The following SMARCC1 variants were observed in gnomAD, a reference collection of about 807,000 sequenced individuals.
SMARCC1 encodes SWI/SNF related BAF chromatin remodeling complex subunit C1.
In SMARCC1, 43 loss-of-function variants were observed where a neutral mutation model predicts 147.4. The observed-to-expected ratio is 0.29, with a 90% CI of 0.23 to 0.38. The LOEUF (loss-of-function observed/expected upper bound fraction) is 0.38. Ranked by LOEUF, SMARCC1 falls within the 10% of genes least tolerant of loss-of-function variation. The pLI is 1.00. For missense variants in SMARCC1, 1,119 were observed against 1,381.1 expected (o/e 0.81, Z 3.01); for synonymous variants, 495 against 484.4 (o/e 1.02, Z -0.29).
intron 26 of SMARCC1, among the ~76,000 whole-genome samples, chr3:47,597,789 G>A (rs952935898): frequency 2.6e-5 from 4 of 152,164 alleles, no homozygotes; most frequent in Admixed American, 2.6e-4. Context: ...AGGCATCCTC[G>A]GGATTGGAGA....
intron 25 of SMARCC1, among the ~76,000 whole-genome samples, chr3:47,612,777 C>T (rs986038194): frequency 6.6e-6 from 1 of 152,060 alleles, no homozygotes. Flanking sequence ...AGTGATTAAA[C>T]ACATACATAA....
intron 2 of SMARCC1, among the ~76,000 whole-genome samples, chr3:47,753,324 C>CT (rs1491273594): frequency 8.9e-6 from 1 of 112,648 alleles, no homozygotes; most frequent in Non-Finnish European, 2.0e-5. Flanking sequence ...GACTCCATCT[C>CT]CAAAAAAAAA....
chr3:47,765,165 C>T (rs911001241), intron 2 of SMARCC1, among the ~76,000 whole-genome samples: 2 of 152,114 alleles, frequency 1.3e-5, no homozygotes, highest in South Asian at 2.1e-4. Context: ...GCAAGAGAAC[C>T]GCTTGAACTC....
chr3:47,659,541 A>C (rs2033312560), intron 21 of SMARCC1, among the ~76,000 whole-genome samples: 1 of 152,264 alleles, frequency 6.6e-6, no homozygotes, highest in East Asian at 1.9e-4. Context: ...ACATGTGAGA[A>C]TCAATTACAG....
chr3:47,649,963 C>T (rs1349854535), intron 21 of SMARCC1, among the ~76,000 whole-genome samples: 1 of 152,152 alleles, frequency 6.6e-6, no homozygotes, highest in African/African-American at 2.4e-5. Context: ...AAAGAATCAT[C>T]GAATGTCTTC....
At chr3:47,772,991 G>A in intron 1 of SMARCC1, 55 bp from the exon 2 acceptor site, 2 of 1,578,570 alleles carry the variant, frequency 1.3e-6, no homozygotes, top group Non-Finnish European at 1.7e-6. Context: ...AGGAGAAAAT[G>A]TTGGCTTACT....
intron 7 of SMARCC1, among the ~76,000 whole-genome samples, chr3:47,717,405 G>A (rs896138763): frequency 6.6e-6 from 1 of 152,096 alleles, no homozygotes; most frequent in African/African-American, 2.4e-5. Context: ...TTTTAAGAAA[G>A]GGGAGGTCAT....
At chr3:47,701,081 G>T (rs916738046) in intron 11 of SMARCC1, among the ~76,000 whole-genome samples, 197 bp downstream of exon 11, 1 of 152,068 alleles carries the variant, frequency 6.6e-6, no homozygotes, top group African/African-American at 2.4e-5. Context: ...TTTGGTCGCT[G>T]TAAGTTTTCT....
chr3:47,683,110 T>C (rs1028707344), intron 14 of SMARCC1, among the ~76,000 whole-genome samples: 2 of 152,226 alleles, frequency 1.3e-5, no homozygotes, highest in African/African-American at 2.4e-5. Flanking sequence ...TGGCGCGATC[T>C]CAGCTTACTG....
At chr3:47,651,501 C>T (rs1307100456) in intron 21 of SMARCC1, among the ~76,000 whole-genome samples, 1 of 152,178 alleles carries the variant, frequency 6.6e-6, no homozygotes, top group Non-Finnish European at 1.5e-5. Context: ...TGCCAGGTAG[C>T]TCCTGCCCAG....
intron 21 of SMARCC1, among the ~76,000 whole-genome samples, chr3:47,639,911 G>A (rs149898431): frequency 3.5e-4 from 54 of 152,206 alleles, no homozygotes; most frequent in Non-Finnish European, 5.4e-4. Flanking sequence ...CCATCAATTA[G>A]GTGATAATAC....
At chr3:47,608,548 C>T (rs2032513760) in intron 26 of SMARCC1, among the ~76,000 whole-genome samples, 1 of 152,074 alleles carries the variant, frequency 6.6e-6, no homozygotes, top group Non-Finnish European at 1.5e-5. Flanking sequence ...TGCCTGACCT[C>T]ATAAGTGAAT....
At chr3:47,636,335 T>C (rs930067089) in intron 22 of SMARCC1, among the ~76,000 whole-genome samples, 199 bp from the exon 23 acceptor site, 3 of 152,212 alleles carry the variant, frequency 2.0e-5, no homozygotes, top group Non-Finnish European at 4.4e-5. Context: ...AACACTTGAG[T>C]GCTCACAAGA....
intron 6 of SMARCC1, among the ~76,000 whole-genome samples, chr3:47,726,399 A>T (rs1559655500): frequency 6.6e-6 from 1 of 151,816 alleles, no homozygotes; most frequent in Non-Finnish European, 1.5e-5. Context: ...AAAGAGTTTA[A>T]CTCTATTTGG....
At chr3:47,626,656 T>C (rs560702863) in intron 24 of SMARCC1, among the ~76,000 whole-genome samples, 6 of 152,274 alleles carry the variant, frequency 3.9e-5, no homozygotes, top group Non-Finnish European at 8.8e-5. Context: ...TGTGGTAGAT[T>C]AAAGATAGCC....
intron 1 of SMARCC1, among the ~76,000 whole-genome samples, chr3:47,775,935 G>A (rs1240982248): frequency 1.3e-5 from 2 of 152,066 alleles, no homozygotes; most frequent in African/African-American, 2.4e-5. Flanking sequence ...ATCACTTGAG[G>A]TCAGGAGTTC....
intron 9 of SMARCC1, among the ~76,000 whole-genome samples, chr3:47,708,052 G>C (rs1339018532): frequency 7.4e-6 from 1 of 134,528 alleles, no homozygotes. Flanking sequence ...ACCTTTGAAT[G>C]ATACAGTAAA....
intron 23 of SMARCC1, 139 bp from the exon 24 acceptor site, chr3:47,635,483 G>T: frequency 1.3e-6 from 1 of 760,946 alleles, no homozygotes; most frequent in Non-Finnish European, 2.2e-6. Context: ...TAAGAGTTCT[G>T]TTGAGCCATT....
At chr3:47,693,910 G>A (rs1289493112) in intron 11 of SMARCC1, among the ~76,000 whole-genome samples, 1 of 152,120 alleles carries the variant, frequency 6.6e-6, no homozygotes, top group Admixed American at 6.5e-5. Context: ...CAATCCATTC[G>A]CATCAGCCTC....
Sources: gnomAD v4.1 joint callset for allele counts (sites outside exome capture counted in the v4.1 genomes callset) on GRCh38, gnomAD v4.1.1 for gene constraint, MANE v1.5 for transcripts, NCBI Gene and HGNC (gene_info 2026-07-23, HGNC 2026-07-21) for gene names.